RBBP8: variants seen among roughly 807,000 people sequenced by gnomAD.
RBBP8 encodes DNA endonuclease RBBP8.
In RBBP8, 88 loss-of-function variants were observed where a neutral mutation model predicts 108.3. The ratio of observed to expected loss-of-function variants is 0.81; its 90% CI spans 0.68 to 0.97. The LOEUF is 0.97. RBBP8 is among the 50% of genes least tolerant of loss of function. The probability of loss-of-function intolerance (pLI) is 0.00; values close to 1 mark genes in which losing one functional copy is unlikely to be tolerated. For missense variants in RBBP8, 1,023 were observed against 1,049.0 expected, an observed-to-expected ratio of 0.98 and a Z score of 0.34; for synonymous variants, 332 against 348.2, an observed-to-expected ratio of 0.95 and a Z score of 0.52.
chr18:22,925,940 T>C (rs923647728), intron 3 of RBBP8, among the ~76,000 whole-genome samples: 2 of 152,226 alleles, frequency 1.3e-5, no homozygotes, highest in Non-Finnish European at 2.9e-5. Context: ...TTAAATTATC[T>C]TATTTTTTCA....
At chr18:22,972,003 A>T (rs1322848135) in intron 5 of RBBP8, among the ~76,000 whole-genome samples, 1 of 151,986 alleles carries the variant, frequency 6.6e-6, no homozygotes, top group Non-Finnish European at 1.5e-5. Context: ...ATTGGGGAAC[A>T]TACATTTAAA....
At chr18:22,944,280 A>G (rs1015804153) in intron 2 of RBBP8, among the ~76,000 whole-genome samples, 1 of 152,234 alleles carries the variant, frequency 6.6e-6, no homozygotes, top group Non-Finnish European at 1.5e-5. Flanking sequence ...ACCAGATAAA[A>G]GAGTAGTTCT....
At chr18:23,000,959 C>G (rs972107492) in intron 14 of RBBP8, among the ~76,000 whole-genome samples, 2 of 152,162 alleles carry the variant, frequency 1.3e-5, no homozygotes, top group African/African-American at 2.4e-5. Flanking sequence ...TGAATTAACA[C>G]TCAGCCTTAC....
intron 3 of RBBP8, among the ~76,000 whole-genome samples, chr18:22,919,320 A>G (rs1909489353): frequency 6.6e-6 from 1 of 152,214 alleles, no homozygotes; most frequent in African/African-American, 2.4e-5. Context: ...TAACATTAGA[A>G]CCAACTAATA....
intron 4 of RBBP8, among the ~76,000 whole-genome samples, chr18:22,956,887 G>C (rs1390988385): frequency 2.6e-5 from 4 of 151,982 alleles, no homozygotes; most frequent in African/African-American, 9.7e-5. Flanking sequence ...TTCCTTCCAG[G>C]AACTAAAGTA....
upstream of RBBP8, chr18:22,929,363 AT>A (rs200340018): frequency 0.31 from 45,599 of 146,106 alleles, 6,982 homozygotes; most frequent in East Asian, 0.45. Flanking sequence ...TGGATAACAG[AT>A]TTTTTTTTTT....
chr18:22,972,986 A>G (rs546147433), intron 5 of RBBP8, among the ~76,000 whole-genome samples: 19 of 152,278 alleles, frequency 1.2e-4, no homozygotes, highest in Admixed American at 2.6e-4. Context: ...TCTGAGCGTG[A>G]AAGCGCCTTT....
At chr18:23,022,903 A>G (rs1422137300) in intron 18 of RBBP8, among the ~76,000 whole-genome samples, 1 of 77,024 alleles carries the variant, frequency 1.3e-5, no homozygotes, top group Non-Finnish European at 2.9e-5. Flanking sequence ...TCTATCATCA[A>G]AATGATTTTT....
intron 16 of RBBP8, among the ~76,000 whole-genome samples, chr18:23,013,393 A>T (rs1031065517): frequency 2.6e-5 from 4 of 152,192 alleles, no homozygotes; most frequent in Non-Finnish European, 5.9e-5. Flanking sequence ...GGGTGGGATC[A>T]CAAGATCAAT....
At chr18:22,917,177 T>C (rs776260970) in intron 3 of RBBP8, among the ~76,000 whole-genome samples, 1 of 152,220 alleles carries the variant, frequency 6.6e-6, no homozygotes, top group African/African-American at 2.4e-5. Context: ...CTAATTACCT[T>C]ATCTTATCAC....
intron 16 of RBBP8, among the ~76,000 whole-genome samples, chr18:23,009,887 G>A (rs762007311): frequency 3.9e-5 from 6 of 152,102 alleles, no homozygotes; most frequent in African/African-American, 7.2e-5. Flanking sequence ...TCAGCCTCCC[G>A]AGTAGCTAGG....
chr18:23,003,670 A>G (rs1362076840), intron 15 of RBBP8, among the ~76,000 whole-genome samples: 6 of 152,196 alleles, frequency 3.9e-5, no homozygotes, highest in African/African-American at 1.4e-4. Flanking sequence ...AATCTTTGTC[A>G]CCAATTTTCT....
chr18:22,960,760 A>C (rs2144551034), intron 4 of RBBP8, among the ~76,000 whole-genome samples: 1 of 152,284 alleles, frequency 6.6e-6, no homozygotes, highest in South Asian at 2.1e-4. Context: ...TTATAATGTA[A>C]TTTTTAGTAT....
chr18:23,019,835 C>T (rs1298812233), intron 17 of RBBP8, among the ~76,000 whole-genome samples: 1 of 148,386 alleles, frequency 6.7e-6, no homozygotes, highest in Non-Finnish European at 1.5e-5. Flanking sequence ...GATTTCGGCT[C>T]ACTGCAAGCT....
intron 4 of RBBP8, among the ~76,000 whole-genome samples, chr18:22,965,606 C>T (rs1001625936): frequency 9.9e-5 from 15 of 152,166 alleles, no homozygotes; most frequent in Non-Finnish European, 2.1e-4. Context: ...AACTGAGCCT[C>T]ATGGCTCCCA....
chr18:22,983,956 G>T (rs190687826), intron 7 of RBBP8, among the ~76,000 whole-genome samples: 6 of 152,154 alleles, frequency 3.9e-5, no homozygotes, highest in Non-Finnish European at 7.4e-5. Context: ...TGGCACACGC[G>T]TGCAGTCCCA....
At chr18:22,988,015 C>T (rs1044080530) in intron 8 of RBBP8, among the ~76,000 whole-genome samples, 1 of 152,190 alleles carries the variant, frequency 6.6e-6, no homozygotes, top group African/African-American at 2.4e-5. Flanking sequence ...CTCTTTGAGT[C>T]ATCCTAGATT....
At position 22,982,404 on chromosome 18, in the gene RBBP8, G is replaced by C; in HGVS notation, c.604+11G>C. 1 of 1,613,532 alleles carries C rather than the reference G, an allele frequency of 6.2e-7. No individual in the cohort carries two copies. Among genetic ancestry groups the C allele is most frequent in the Non-Finnish European group, 8.5e-7 (1 of 1,179,912 alleles). On this transcript the variant is annotated intron_variant, in intron 7 of 18. Transcript: ENST00000327155. ...CTGTGTGTGCAAATGGTAAGAGTTGGAGTTGTATTTTAGTTCTCTGGTTTT... is the reference window on the plus strand; with the variant it reads ...CTGTGTGTGCAAATGGTAAGAGTTGCAGTTGTATTTTAGTTCTCTGGTTTT...
intron 3 of RBBP8, among the ~76,000 whole-genome samples, chr18:22,927,323 T>G (rs1909825797): frequency 6.6e-6 from 1 of 152,012 alleles, no homozygotes; most frequent in Non-Finnish European, 1.5e-5. Context: ...TAATGCTGGG[T>G]GGGGGATGGG....
Sources: allele counts gnomAD v4.1 joint callset (sites outside exome capture counted in the v4.1 genomes callset), GRCh38; gene constraint gnomAD v4.1.1; transcripts MANE v1.5; gene names NCBI Gene and HGNC (gene_info 2026-07-23, HGNC 2026-07-21).